Variants in PLEK2 observed in about 807,000 individuals in gnomAD.
PLEK2 encodes the protein pleckstrin 2, also known as pleckstrin-2.
In PLEK2, 29 loss-of-function variants were observed where a neutral mutation model predicts 43.8. The observed-to-expected ratio is 0.66, with a 90% CI of 0.49 to 0.90. The LOEUF is 0.90. Ranked by LOEUF, PLEK2 falls within the 40% of genes least tolerant of loss-of-function variation. The probability of loss-of-function intolerance (pLI) is 0.00; values close to 1 mark genes in which losing one functional copy is unlikely to be tolerated. For missense variants in PLEK2, 398 were observed against 448.1 expected (o/e 0.89, Z 1.01); for synonymous variants, 162 against 173.2 (o/e 0.94, Z 0.51).
At chr14:67,390,552 G>C in intron 7 of PLEK2, 111 bp downstream of exon 7, 1 of 761,716 alleles carries the variant, frequency 1.3e-6, no homozygotes, top group Middle Eastern at 3.6e-4. Flanking sequence ...AGACTTTACG[G>C]CGGGTGCCAG....
At chr14:67,402,582 C>T (rs1266806728) in intron 1 of PLEK2, among the ~76,000 whole-genome samples, 3 of 152,176 alleles carry the variant, frequency 2.0e-5, no homozygotes, top group Non-Finnish European at 2.9e-5. Flanking sequence ...CAGCCCCTCA[C>T]CCACCCTTCC....
At chr14:67,407,685 C>T (rs2086088305) in intron 1 of PLEK2, among the ~76,000 whole-genome samples, 4 of 152,084 alleles carry the variant, frequency 2.6e-5, no homozygotes, top group Admixed American at 6.5e-5. Context: ...AAGCAATCCT[C>T]CCACTTTGGC....
intron 7 of PLEK2, among the ~76,000 whole-genome samples, chr14:67,389,768 TTTTTTTC>T (rs2085953610): frequency 6.8e-6 from 1 of 147,100 alleles, no homozygotes; most frequent in South Asian, 2.1e-4. Context: ...ACTAAAGTGT[TTTTTTTC>T]TTTTTTTTTT....
intron 1 of PLEK2, among the ~76,000 whole-genome samples, chr14:67,411,143 A>AT (rs1408907357): frequency 1.3e-5 from 2 of 151,446 alleles, no homozygotes; most frequent in African/African-American, 4.9e-5. Context: ...TCTCAAAAAA[A>AT]AAAAAAAAAA....
intron 3 of PLEK2, 82 bp downstream of exon 3, chr14:67,395,320 G>T: frequency 2.4e-6 from 3 of 1,230,642 alleles, no homozygotes; most frequent in Non-Finnish European, 2.3e-6. Flanking sequence ...CAAGCACAGA[G>T]CCCCCCCAAG....
chr14:67,392,861 C>A lies in PLEK2; in HGVS notation c.482-12G>T, dbSNP rs1053459433. 1.3e-6 allele frequency: 2 copies of A among 1,599,084 alleles called. No homozygotes were observed. The highest frequency in any genetic ancestry group is 1.3e-5 in the African/African-American group (1 of 74,758). On this transcript the variant is annotated splice_polypyrimidine_tract_variant and intron_variant, in intron 4 of 8. Coordinates refer to ENST00000216446, the MANE Select transcript of PLEK2 (RefSeq NM_016445.3). ...CACCAGGGAGGAGCCTGGCCAAGGG[C>A]AGCACCAGTCAGGCGATGGGTGATG...
chr14:67,392,834 T>A lies in PLEK2; in HGVS notation c.497A>T (p.Asp166Val). 2 of 1,611,778 alleles carry A rather than the reference T, an allele frequency of 1.2e-6. No individual in the cohort carries two copies. The highest frequency in any genetic ancestry group is 1.7e-6 in the Non-Finnish European group (2 of 1,178,422). The change falls in exon 5 of 9, where the codon GAC (aspartate) becomes GTC (valine). Residue 166 changes from aspartate to valine, a missense_variant. Asp to Val is a radical substitution (Grantham distance 152). Coordinates refer to ENST00000216446, the MANE Select transcript of PLEK2 (RefSeq NM_016445.3). ...CGTGAAGCTGTTGGAGATGAGCCAG[T>A]CCACCAGGGAGGAGCCTGGCCAAGG... Reference protein sequence around the residue: ...KKTFLGSSLVDWLISNSFTAS... With the variant: ...KKTFLGSSLVVWLISNSFTAS...
chr14:67,403,669 G>T (rs538532733), intron 1 of PLEK2, among the ~76,000 whole-genome samples: 51 of 152,328 alleles, frequency 3.3e-4, no homozygotes, highest in African/African-American at 1.1e-3. Flanking sequence ...ACGTAGACAA[G>T]AAATTCAAAT....
intron 1 of PLEK2, among the ~76,000 whole-genome samples, chr14:67,408,359 A>AAAAT (rs1566632508): frequency 3.7e-4 from 49 of 134,052 alleles, no homozygotes; most frequent in African/African-American, 1.3e-3. Context: ...TAAAATAAAA[A>AAAAT]AAGAAAAAAC....
chr14:67,405,587 T>A (rs117610000), intron 1 of PLEK2, among the ~76,000 whole-genome samples: 4,704 of 152,274 alleles, frequency 0.031, 106 homozygotes, highest in Non-Finnish European at 0.044. Flanking sequence ...CACATTTTAC[T>A]AGGGTTGGTC....
intron 1 of PLEK2, among the ~76,000 whole-genome samples, chr14:67,402,110 G>A (rs926184283): frequency 6.6e-6 from 1 of 152,078 alleles, no homozygotes; most frequent in South Asian, 2.1e-4. Flanking sequence ...CTCCAGCCTG[G>A]GTGACAGAGG....
intron 1 of PLEK2, among the ~76,000 whole-genome samples, chr14:67,403,140 T>C (rs1017006519): frequency 2.0e-5 from 3 of 152,242 alleles, no homozygotes; most frequent in African/African-American, 7.2e-5. Flanking sequence ...GATATCCCAT[T>C]GTAGTTTTGA....
chr14:67,392,701 G>A lies in PLEK2; in HGVS notation c.630C>T (p.Ala210=), dbSNP rs757179307. Residue 210 remains alanine (A), a synonymous_variant, in exon 5 of 9, where the codon GCC becomes GCT. Transcript: ENST00000216446. ...SMGAIRSGDL[A]EQFLDDSTAL... ...CTGTGGAGTCATCCAGGAACTGCTC[G>A]GCCAGATCCCCAGAGCGAATGGCTC... 2.2e-5 allele frequency: 36 copies of A among 1,614,078 alleles called. No individual in the cohort carries two copies. The highest frequency in any genetic ancestry group is 7.7e-5 in the South Asian group (7 of 91,062).
At chr14:67,394,422 A>T (rs1472347595) in intron 3 of PLEK2, among the ~76,000 whole-genome samples, 1 of 152,102 alleles carries the variant, frequency 6.6e-6, no homozygotes, top group South Asian at 2.1e-4. Context: ...AAAAGCCCCA[A>T]GAGTGCACAG....
At chr14:67,395,089 C>T (rs373651880) in intron 3 of PLEK2, among the ~76,000 whole-genome samples, 88 of 152,206 alleles carry the variant, frequency 5.8e-4, no homozygotes, top group African/African-American at 1.5e-3. Flanking sequence ...CAGACTAAGA[C>T]GAGATTTTGG....
chr14:67,392,995 G>A, intron 4 of PLEK2, 146 bp from the exon 5 acceptor site: 1 of 864,782 alleles, frequency 1.2e-6, no homozygotes, highest in Non-Finnish European at 1.9e-6. Context: ...GCTGCATAGA[G>A]CCGTGGCTGC....
intron 2 of PLEK2, among the ~76,000 whole-genome samples, chr14:67,397,170 C>A (rs1050274910): frequency 2.0e-5 from 3 of 152,164 alleles, no homozygotes; most frequent in Non-Finnish European, 2.9e-5. Context: ...AACTCCTCAC[C>A]GCAAGCAATC....
intron 1 of PLEK2, among the ~76,000 whole-genome samples, chr14:67,404,386 G>A (rs568922600): frequency 6.6e-6 from 1 of 152,316 alleles, no homozygotes; most frequent in Non-Finnish European, 1.5e-5. Context: ...TACTCAGGAG[G>A]CTGAGGCAGG....
chr14:67,395,398 T>C lies in PLEK2; in HGVS notation c.389+4A>G, dbSNP rs1470631708. ...CCACAGAGCCCGGCAAGTGGGGCAC[T>C]CACTGCAGGCTGATGTGCGGGGGCA... On this transcript the variant is annotated splice_donor_region_variant and intron_variant, in intron 3 of 8. Transcript: ENST00000216446. 2 of 1,612,992 alleles carry C rather than the reference T, an allele frequency of 1.2e-6. No homozygotes were observed. The highest frequency in any genetic ancestry group is 3.3e-5 in the Admixed American group (2 of 59,978).
Sources: allele counts gnomAD v4.1 joint callset (sites outside exome capture counted in the v4.1 genomes callset), GRCh38; gene constraint gnomAD v4.1.1; transcripts MANE v1.5; gene names NCBI Gene and HGNC (gene_info 2026-07-23, HGNC 2026-07-21).